The following STK31 variants were observed in gnomAD, a reference collection of about 807,000 sequenced individuals.
STK31 encodes the protein serine/threonine-protein kinase 31.
A neutral mutation model predicts 129.7 loss-of-function variants in STK31; 89 were observed. The observed-to-expected ratio is 0.69, with a 90% CI of 0.58 to 0.82. The LOEUF (loss-of-function observed/expected upper bound fraction) is 0.82, where lower values mean the gene tolerates loss of function less well. Among genes scored for constraint, STK31 ranks in the 40% least tolerant of loss-of-function variants. The pLI is 0.00. For synonymous variants in STK31, 448 were observed against 395.3 expected (o/e 1.13, Z -1.58); for missense variants, 1,187 against 1,176.4 (o/e 1.01, Z -0.13).
intron 1 of STK31, chr7:23,710,812 T>C (rs1332558671): frequency 9.9e-6 from 10 of 1,009,166 alleles, no homozygotes; most frequent in Non-Finnish European, 1.2e-5. Flanking sequence ...ACTCTAGAAG[T>C]AGCTTCTTGG....
chr7:23,829,740 C>T (rs1465578802), intron 23 of STK31, among the ~76,000 whole-genome samples: 1 of 152,176 alleles, frequency 6.6e-6, no homozygotes, highest in Non-Finnish European at 1.5e-5. Flanking sequence ...TAGAATTCAG[C>T]AGTGAAGCTC....
chr7:23,769,234 A>G lies in STK31; in HGVS notation c.1596+60A>G, dbSNP rs866981448. The G allele has an allele frequency of 1.3e-5, 19 of 1,420,680 alleles. 1 individual carries two copies. The Middle Eastern group carries it at 2.3e-3, about 173-fold the overall frequency. The allele number at this position is 1,420,680 out of a possible 1,614,324, so 88.0% of individuals were successfully genotyped here. A position where few individuals can be genotyped will look rare whatever the true frequency, so the allele number is the denominator to read the frequency against. On this transcript the variant is annotated intron_variant, in intron 12 of 23. Coordinates refer to ENST00000355870, the MANE Select transcript of STK31 (RefSeq NM_031414.5). ...ATAAACCAGGGAATATATATTTTAAAAATCACGCGCTTTGTTCAAGAGCTG... is the reference window on the plus strand; with the variant it reads ...ATAAACCAGGGAATATATATTTTAAGAATCACGCGCTTTGTTCAAGAGCTG...
At chr7:23,806,061 A>T (rs1461270891) in intron 22 of STK31, among the ~76,000 whole-genome samples, 1 of 152,202 alleles carries the variant, frequency 6.6e-6, no homozygotes, top group Non-Finnish European at 1.5e-5. Flanking sequence ...TTCACATCAC[A>T]TATTATTAAG....
chr7:23,752,886 T>A, intron 9 of STK31, 54 bp downstream of exon 9: 1 of 1,207,260 alleles, frequency 8.3e-7, no homozygotes, highest in South Asian at 1.3e-5. Flanking sequence ...TTTAATCAAT[T>A]GGTGCTTTGT....
chr7:23,773,104 T>A (rs989259879), intron 15 of STK31, among the ~76,000 whole-genome samples: 1 of 152,172 alleles, frequency 6.6e-6, no homozygotes, highest in Non-Finnish European at 1.5e-5. Flanking sequence ...TGCAGGTTTG[T>A]TACATAGGTA....
At position 23,790,837 on chromosome 7, in the gene STK31, C is replaced by T. The variant is rs759136544; in HGVS notation, c.2651C>T (p.Ser884Leu). 4.4e-5 allele frequency: 71 copies of T among 1,597,026 alleles called. No individual in the cohort carries two copies. The highest frequency in any genetic ancestry group is 3.3e-4 in the South Asian group (29 of 87,488). The change falls in exon 22 of 24, where the codon TCG (serine) becomes TTG (leucine). Residue 884 changes from serine to leucine, a missense_variant. Physicochemically the swap from Ser to Leu is moderately radical, Grantham distance 145. This residue lies in a region of STK31 where 975 missense variants were observed against 934.9 expected (regional missense o/e 1.04). Coordinates refer to ENST00000355870, the MANE Select transcript of STK31 (RefSeq NM_031414.5). ...DFTKSVSQRASVNMMVGDLSL... is the reference protein window; with the variant it reads ...DFTKSVSQRALVNMMVGDLSL... Reference sequence around the variant, plus strand: ...TTGTTTTTGCAGAGTCAGCGAGCCTCGGTGAACATGATGGTTGGTGACTTG... The same window carrying T: ...TTGTTTTTGCAGAGTCAGCGAGCCTTGGTGAACATGATGGTTGGTGACTTG...
chr7:23,721,207 G>A (rs765898795), intron 4 of STK31: 3 of 339,526 alleles, frequency 8.8e-6, no homozygotes, highest in African/African-American at 2.2e-5. Flanking sequence ...ACTATAATTC[G>A]CTCTGATGAA....
At chr7:23,813,584 A>G (rs1793281646) in intron 22 of STK31, among the ~76,000 whole-genome samples, 2 of 152,182 alleles carry the variant, frequency 1.3e-5, no homozygotes, top group Non-Finnish European at 2.9e-5. Flanking sequence ...TTTAACGACA[A>G]TCTAATTTTC....
At chr7:23,711,128 G>A (rs997873912) in intron 1 of STK31, among the ~76,000 whole-genome samples, 2 of 152,090 alleles carry the variant, frequency 1.3e-5, no homozygotes, top group African/African-American at 2.4e-5. Context: ...TTAGTATAGT[G>A]GTGTTCCTAG....
At chr7:23,818,687 C>G (rs766041248) in intron 23 of STK31, among the ~76,000 whole-genome samples, 1 of 152,202 alleles carries the variant, frequency 6.6e-6, no homozygotes, top group Non-Finnish European at 1.5e-5. Flanking sequence ...TGCAGTGGCA[C>G]GATCTCAGCT....
Position 23,815,432 on chromosome 7 carries a change from C to A in STK31, c.2829+220C>A, listed in dbSNP as rs546884633. ...TTGTCACACAGATTATATAAATAATCTAACAATTAGGGAAGAATATTGTTT... is the reference window on the plus strand; with the variant it reads ...TTGTCACACAGATTATATAAATAATATAACAATTAGGGAAGAATATTGTTT... On this transcript the variant is annotated intron_variant, in intron 23 of 23. Transcript: ENST00000355870. Among the ~76,000 whole-genome samples the A allele has an allele frequency of 2.2e-3, 340 of 152,176 alleles. 6 individuals carry two copies. The highest frequency in any genetic ancestry group is 2.3e-3 in the Non-Finnish European group (156 of 67,960).
intron 23 of STK31, among the ~76,000 whole-genome samples, chr7:23,817,077 A>G (rs1165368703): frequency 6.6e-6 from 1 of 152,114 alleles, no homozygotes; most frequent in East Asian, 1.9e-4. Flanking sequence ...AGTCCCAGCT[A>G]CTTGGGAATC....
At chr7:23,805,834 T>C (rs1792674272) in intron 22 of STK31, among the ~76,000 whole-genome samples, 1 of 152,206 alleles carries the variant, frequency 6.6e-6, no homozygotes, top group Admixed American at 6.5e-5. Context: ...AACATGGTGG[T>C]AACATCCTCC....
chr7:23,714,708 GC>G (rs1202706462), intron 3 of STK31, among the ~76,000 whole-genome samples: 1 of 152,148 alleles, frequency 6.6e-6, no homozygotes, highest in African/African-American at 2.4e-5. Flanking sequence ...CACTAGTGCA[GC>G]TCTAGACTTT....
Position 23,790,896 on chromosome 7 carries a change from C to T in STK31, c.2710C>T (p.Pro904Ser). 1 of 1,608,164 alleles carries T rather than the reference C, an allele frequency of 6.2e-7. No homozygotes were observed. The highest frequency in any genetic ancestry group is 8.5e-7 in the Non-Finnish European group (1 of 1,177,768). ...GTCACCTGAGTTGAAAATGGGAAAACCTGCTTCTCCAGGTTCAGACTTATA... is the reference window on the plus strand; with the variant it reads ...GTCACCTGAGTTGAAAATGGGAAAATCTGCTTCTCCAGGTTCAGACTTATA... ...LMSPELKMGK[P>S]ASPGSDLYAY... Residue 904 changes from proline (P) to serine (S), a missense_variant, in exon 22 of 24, where the codon CCT becomes TCT. Pro to Ser is a moderately conservative substitution (Grantham distance 74). Around this residue, in one of 5 missense-constraint regions of STK31, gnomAD observed 975 missense variants for 934.9 expected, o/e 1.04. Transcript: ENST00000355870.
chr7:23,730,869 TA>T (rs1562555039), intron 6 of STK31, among the ~76,000 whole-genome samples: 6 of 49,016 alleles, frequency 1.2e-4, no homozygotes, highest in African/African-American at 3.2e-4. Flanking sequence ...TATATATATA[TA>T]TATATATATT....
chr7:23,788,557 TA>T (rs1361103583), intron 21 of STK31, among the ~76,000 whole-genome samples: 1 of 152,144 alleles, frequency 6.6e-6, no homozygotes, highest in Non-Finnish European at 1.5e-5. Context: ...TTGGACTTTT[TA>T]GTTTAAATCC....
intron 12 of STK31, 37 bp downstream of exon 12, chr7:23,769,211 A>C: frequency 6.7e-7 from 1 of 1,486,692 alleles, no homozygotes; most frequent in African/African-American, 1.4e-5. Context: ...TTTGTAGCAT[A>C]AACCAGGGAA....
chr7:23,780,163 G>A (rs1790828580), intron 15 of STK31, among the ~76,000 whole-genome samples: 1 of 152,036 alleles, frequency 6.6e-6, no homozygotes, highest in Non-Finnish European at 1.5e-5. Flanking sequence ...TCTGTAGGCT[G>A]CACCCACTGT....
Sources: allele counts gnomAD v4.1 joint callset (sites outside exome capture counted in the v4.1 genomes callset), GRCh38; gene constraint gnomAD v4.1.1; regional missense constraint gnomAD v4.1.1; transcripts MANE v1.5; gene names NCBI Gene and HGNC (gene_info 2026-07-23, HGNC 2026-07-21).